Variants in DHRS12 observed in about 807,000 individuals in gnomAD.
DHRS12 encodes dehydrogenase/reductase 12, also known as dehydrogenase/reductase SDR family member 12.
DHRS12 carries 29 observed loss-of-function variants against 32.1 expected under a neutral mutation model. The observed-to-expected ratio is 0.90, with a 90% CI of 0.67 to 1.23. The LOEUF (loss-of-function observed/expected upper bound fraction) is 1.23. Among genes scored for constraint, DHRS12 ranks in the 50% most tolerant of loss-of-function variants. The probability of loss-of-function intolerance (pLI) is 0.00; values close to 1 mark genes in which losing one functional copy is unlikely to be tolerated. For synonymous variants in DHRS12, 150 were observed against 135.9 expected (o/e 1.10, Z -0.72); for missense variants, 330 against 337.2 (o/e 0.98, Z 0.17).
At chr13:51,755,611 T>A in the DHRS12 span, 1 of 732,566 alleles carries the variant, frequency 1.4e-6, no homozygotes, top group Non-Finnish European at 2.3e-6. Flanking sequence ...ATTTACTCTG[T>A]CTACCATAGC....
chr13:51,770,272 C>T (rs1356022429), intron 7 of DHRS12, among the ~76,000 whole-genome samples: 1 of 152,164 alleles, frequency 6.6e-6, no homozygotes, highest in Admixed American at 6.5e-5. Context: ...GACACATGTC[C>T]GCATGCTCAG....
At chr13:51,766,413 A>G (rs1186661410), downstream of DHRS12, 1 of 152,162 alleles carries the variant, frequency 6.6e-6, no homozygotes, top group Non-Finnish European at 1.5e-5. Flanking sequence ...ATATTACCGT[A>G]TGGATATCTT....
chr13:51,772,694 C>A, intron 6 of DHRS12: 1 of 985,436 alleles, frequency 1.0e-6, no homozygotes, highest in Non-Finnish European at 1.2e-6. Context: ...TCCCCTTTCC[C>A]AGCTGCAGTC....
chr13:51,799,574 G>A lies in DHRS12; in HGVS notation c.86C>T (p.Ala29Val), dbSNP rs371519781. 2.0e-5 allele frequency: 33 copies of A among 1,613,950 alleles called. No individual in the cohort carries two copies. The African/African-American group carries it at 2.5e-4, about 12-fold the overall frequency. ...CAAGGGCAGTTGCTTTGCCAATGCC[G>A]CTGTTTCCTCCAGTGACCAAAAAGA... ...EESFWSLEET[A>V]ALAKQLPLKS... Residue 29 changes from alanine to valine, a missense_variant, in exon 2 of 9, where the codon GCG becomes GTG. By Grantham distance (64) the Ala-to-Val change is moderately conservative. Coordinates refer to ENST00000444610, the MANE Select transcript of DHRS12 (RefSeq NM_001377533.1).
At chr13:51,755,531 T>C in the DHRS12 span, 2 of 1,464,774 alleles carry the variant, frequency 1.4e-6, no homozygotes, top group Admixed American at 1.7e-5. Context: ...TTAGAAGAAA[T>C]AACACCCCTG....
chr13:51,778,796 T>A (rs1954565196), intron 4 of DHRS12, among the ~76,000 whole-genome samples: 1 of 151,922 alleles, frequency 6.6e-6, no homozygotes, highest in South Asian at 2.1e-4. Flanking sequence ...CCAAGTACTC[T>A]CTCCTCTAGG....
intron 4 of DHRS12, among the ~76,000 whole-genome samples, chr13:51,784,741 C>T (rs1487317445): frequency 6.6e-6 from 1 of 152,188 alleles, no homozygotes; most frequent in East Asian, 1.9e-4. Flanking sequence ...AGCATTCTGC[C>T]TTGGAAGCAC....
At chr13:51,765,041 G>A (rs1051249390), downstream of DHRS12, 1 of 152,302 alleles carries the variant, frequency 6.6e-6, no homozygotes, top group African/African-American at 2.4e-5. Flanking sequence ...TACAATGTGG[G>A]AGGTCCTCCT....
intron 4 of DHRS12, among the ~76,000 whole-genome samples, chr13:51,787,928 TA>T (rs1955066074): frequency 5.5e-5 from 1 of 18,224 alleles, no homozygotes; most frequent in Non-Finnish European, 1.5e-4. Flanking sequence ...ATATAATATA[TA>T]CTTATATATA....
intron 7 of DHRS12, chr13:51,771,171 ACAGCG>A: frequency 6.5e-7 from 1 of 1,542,566 alleles, no homozygotes; most frequent in Middle Eastern, 1.8e-4. Flanking sequence ...TAATCCGCAG[ACAGCG>A]CTGAGACCAG....
In DHRS12 at chr13:51,777,128, C is replaced by T; in HGVS notation, c.302-7G>A. The stretch of plus-strand genomic sequence containing the variant: ...GTCGTGAGAATGTACACACCTGAGG[C>T]AGCACACAGCATCCCATGAGGGGGC... On this transcript the variant is annotated splice_polypyrimidine_tract_variant and splice_region_variant and intron_variant, in intron 4 of 8. Transcript: ENST00000444610. 1.2e-6 allele frequency: 2 copies of T among 1,614,008 alleles called. No individual in the cohort carries two copies. Among genetic ancestry groups the T allele is most frequent in the South Asian group, 1.1e-5 (1 of 91,078 alleles).
intron 2 of DHRS12, among the ~76,000 whole-genome samples, chr13:51,798,747 TCAG>T (rs1367409045): frequency 6.6e-6 from 1 of 152,200 alleles, no homozygotes; most frequent in Non-Finnish European, 1.5e-5. Context: ...GAAAACATCT[TCAG>T]CATCTTAAAA....
Position 51,769,303 on chromosome 13 carries a change from G to A in DHRS12, c.560-10C>T. On this transcript the variant is annotated splice_polypyrimidine_tract_variant and intron_variant, in intron 7 of 8. Transcript: ENST00000444610. ...ATCGCCTGCCTCACACCTGGGAGAA[G>A]GAAGGGTCAGGCGGATTAGGACAGC... The A allele has an allele frequency of 6.5e-7, 1 of 1,550,310 alleles. No individual in the cohort carries two copies. Among genetic ancestry groups the A allele is most frequent in the Non-Finnish European group, 8.7e-7 (1 of 1,146,330 alleles).
At chr13:51,769,889 G>A (rs1038214061) in intron 7 of DHRS12, among the ~76,000 whole-genome samples, 2 of 152,312 alleles carry the variant, frequency 1.3e-5, no homozygotes, top group African/African-American at 4.8e-5. Flanking sequence ...GTGCCACAGC[G>A]TCGGGCACTC....
At chr13:51,797,210 T>C (rs1041928215) in intron 2 of DHRS12, among the ~76,000 whole-genome samples, 1 of 152,230 alleles carries the variant, frequency 6.6e-6, no homozygotes, top group Non-Finnish European at 1.5e-5. Context: ...GCACACGCCC[T>C]GCGACTGGAA....
chr13:51,782,352 C>G lies in DHRS12; in HGVS notation c.302-5231G>C, dbSNP rs1954753034. ...GGGATGCCAACATTTAAAGTCCCCGCAGACACGCTGCAGCTGGCTAAGGAG... is the reference window on the plus strand; with the variant it reads ...GGGATGCCAACATTTAAAGTCCCCGGAGACACGCTGCAGCTGGCTAAGGAG... On this transcript the variant is annotated intron_variant, in intron 4 of 8. Transcript: ENST00000444610. This position sits in a 1 kb window ranked among gnomAD's most constrained non-coding sequence, Gnocchi z 4.2. 6.6e-6 allele frequency among the ~76,000 whole-genome samples: 1 copy of G among 152,184 alleles called. No homozygotes were observed. Among genetic ancestry groups the G allele is most frequent in the South Asian group, 2.1e-4 (1 of 4,828 alleles).
intron 4 of DHRS12, chr13:51,789,586 A>C: frequency 1.0e-6 from 1 of 985,446 alleles, no homozygotes; most frequent in Non-Finnish European, 1.2e-6. Flanking sequence ...ATTACAGAGT[A>C]GCAACCAGAG....
At chr13:51,789,564 C>T in intron 4 of DHRS12, 2 of 985,426 alleles carry the variant, frequency 2.0e-6, no homozygotes, top group Admixed American at 6.1e-5. Flanking sequence ...TATAAAATGA[C>T]TTCACTCTGC....
At chr13:51,788,800 C>T (rs995721775) in intron 4 of DHRS12, among the ~76,000 whole-genome samples, 2 of 151,842 alleles carry the variant, frequency 1.3e-5, no homozygotes, top group African/African-American at 4.8e-5. Flanking sequence ...TTTGAGGCTG[C>T]AGTGAGCCAT....
Sources: gnomAD v4.1 joint callset for allele counts (sites outside exome capture counted in the v4.1 genomes callset) on GRCh38, gnomAD v4.1.1 for gene constraint, Gnocchi (gnomAD v3.1) non-coding constraint, MANE v1.5 for transcripts, NCBI Gene and HGNC (gene_info 2026-07-23, HGNC 2026-07-21) for gene names.